Variants in RARB observed in about 807,000 individuals in gnomAD.
The protein encoded by RARB is HBV-activated protein.
Under a neutral mutation model 51.9 loss-of-function variants are expected in RARB, and 17 were observed. The ratio of observed to expected loss-of-function variants is 0.33; its 90% CI spans 0.22 to 0.49. RARB has a LOEUF of 0.49. RARB is among the 20% of genes least tolerant of loss of function. The pLI is 0.99. For synonymous variants in RARB, 215 were observed against 195.4 expected (o/e 1.10, Z -0.84); for missense variants, 369 against 550.8 (o/e 0.67, Z 3.30).
At chr3:25,314,107 C>T (rs1704359261) in intron 5 of RARB, among the ~76,000 whole-genome samples, 1 of 151,542 alleles carries the variant, frequency 6.6e-6, no homozygotes, top group Non-Finnish European at 1.5e-5. Context: ...TTAAAAATCA[C>T]AAAAAATTAC....
At chr3:24,915,521 T>A (rs1695088368) in intron 2 of RARB, among the ~76,000 whole-genome samples, 1 of 152,202 alleles carries the variant, frequency 6.6e-6, no homozygotes, top group South Asian at 2.1e-4. Flanking sequence ...GACCAAAGAC[T>A]GCTCATAAAT....
chr3:24,979,722 T>C (rs1047737102), intron 2 of RARB, among the ~76,000 whole-genome samples: 4 of 152,200 alleles, frequency 2.6e-5, no homozygotes, highest in African/African-American at 9.6e-5. Flanking sequence ...CTTGACTCTT[T>C]ATCCAGTTTG....
intron 5 of RARB, among the ~76,000 whole-genome samples, chr3:25,206,499 C>A (rs546812007): frequency 6.6e-6 from 1 of 152,260 alleles, no homozygotes; most frequent in Admixed American, 6.5e-5. Context: ...CAACTCAGAT[C>A]TACTAAGTAT....
At chr3:25,109,978 C>T (rs1446618915) in intron 3 of RARB, among the ~76,000 whole-genome samples, 1 of 152,204 alleles carries the variant, frequency 6.6e-6, no homozygotes, top group African/African-American at 2.4e-5. Context: ...AGAGCTACTC[C>T]TTGAAATTAT....
chr3:25,213,039 T>C (rs1019777330), intron 5 of RARB, among the ~76,000 whole-genome samples: 1 of 152,196 alleles, frequency 6.6e-6, no homozygotes, highest in Non-Finnish European at 1.5e-5. Flanking sequence ...TTAAAGACCA[T>C]GCTTTGCTTT....
chr3:25,238,320 A>T (rs1450208791), intron 5 of RARB, among the ~76,000 whole-genome samples: 5 of 152,186 alleles, frequency 3.3e-5, no homozygotes, highest in Admixed American at 3.3e-4. Flanking sequence ...CACGTTGTTA[A>T]AAATGACATG....
intron 3 of RARB, among the ~76,000 whole-genome samples, chr3:25,081,960 T>TA (rs1699014856): frequency 6.6e-6 from 1 of 152,028 alleles, no homozygotes; most frequent in African/African-American, 2.4e-5. Flanking sequence ...AGCTCTGTTA[T>TA]TAGGTGTATA....
At chr3:25,200,205 A>G (rs1701355386) in intron 5 of RARB, among the ~76,000 whole-genome samples, 1 of 151,842 alleles carries the variant, frequency 6.6e-6, no homozygotes, top group African/African-American at 2.4e-5. Flanking sequence ...AGTGATGATG[A>G]GCATTGTTTC....
chr3:25,446,942 CTG>C (rs1217075805), intron 1 of RARB, among the ~76,000 whole-genome samples: 1 of 151,214 alleles, frequency 6.6e-6, no homozygotes, highest in Admixed American at 6.6e-5. Context: ...CATTTCCTAA[CTG>C]TGTGACCTTG....
intron 3 of RARB, among the ~76,000 whole-genome samples, chr3:25,106,129 A>G (rs1326020441): frequency 6.6e-6 from 1 of 152,192 alleles, no homozygotes; most frequent in Non-Finnish European, 1.5e-5. Context: ...TTTGTTTCCC[A>G]TAAAATGGGA....
chr3:24,922,745 C>T (rs1007717698), intron 2 of RARB, among the ~76,000 whole-genome samples: 6 of 152,132 alleles, frequency 3.9e-5, no homozygotes, highest in African/African-American at 4.8e-5. Context: ...GTTTAAAATA[C>T]AGAGCCTTGC....
chr3:25,099,918 T>C (rs1318996910), intron 3 of RARB, among the ~76,000 whole-genome samples: 1 of 152,214 alleles, frequency 6.6e-6, no homozygotes, highest in Non-Finnish European at 1.5e-5. Flanking sequence ...GTAAATGCTT[T>C]TCCTTATGGA....
chr3:25,567,085 C>T (rs1286729), intron 3 of RARB, among the ~76,000 whole-genome samples: 12,332 of 152,160 alleles, frequency 0.081, 646 homozygotes, highest in Non-Finnish European at 0.11. Flanking sequence ...TCAAACAGTT[C>T]CTGGTATTTA....
chr3:25,075,295 A>C (rs1006946205), intron 3 of RARB, among the ~76,000 whole-genome samples: 1 of 152,148 alleles, frequency 6.6e-6, no homozygotes, highest in Non-Finnish European at 1.5e-5. Flanking sequence ...CGTCTTTCTC[A>C]GTTAATAAAA....
At chr3:25,448,448 T>C (rs1182799112) in intron 1 of RARB, among the ~76,000 whole-genome samples, 1 of 152,208 alleles carries the variant, frequency 6.6e-6, no homozygotes. Context: ...CAGTTCTATA[T>C]AGAAACTTGA....
intron 5 of RARB, among the ~76,000 whole-genome samples, chr3:25,279,349 C>T (rs1253538621): frequency 6.6e-6 from 1 of 152,128 alleles, no homozygotes; most frequent in African/African-American, 2.4e-5. Context: ...TTTTCTTTTT[C>T]TCTCTTGCAC....
chr3:24,860,332 C>T (rs9863928), intron 2 of RARB, among the ~76,000 whole-genome samples: 151 of 152,308 alleles, frequency 9.9e-4, no homozygotes, highest in African/African-American at 3.4e-3. Context: ...ACCTTTCTCA[C>T]CTCCTCTCAG....
At chr3:25,198,649 A>G (rs1018745081) in intron 5 of RARB, among the ~76,000 whole-genome samples, 3 of 152,168 alleles carry the variant, frequency 2.0e-5, no homozygotes, top group Admixed American at 1.3e-4. Flanking sequence ...GATATTTCTC[A>G]AAAGAAGACA....
chr3:24,842,293 T>TA (rs1321037172), intron 1 of RARB, among the ~76,000 whole-genome samples: 7 of 152,216 alleles, frequency 4.6e-5, no homozygotes, highest in African/African-American at 1.4e-4. Context: ...GTCAGCACAT[T>TA]AAAAACTACT....
Sources: gnomAD v4.1 joint callset for allele counts (sites outside exome capture counted in the v4.1 genomes callset) on GRCh38, gnomAD v4.1.1 for gene constraint, MANE v1.5 for transcripts, NCBI Gene and HGNC (gene_info 2026-07-23, HGNC 2026-07-21) for gene names.